Variants in PCDHGA1 observed in about 807,000 individuals in gnomAD.
PCDHGA1 encodes protocadherin gamma subfamily A, 1.
In PCDHGA1, 32 loss-of-function variants were observed where a neutral mutation model predicts 58.0. The observed-to-expected ratio is 0.55, with a 90% CI of 0.42 to 0.74. The LOEUF (loss-of-function observed/expected upper bound fraction) is 0.74. Among genes scored for constraint, PCDHGA1 ranks in the 30% least tolerant of loss-of-function variants. PCDHGA1 has a pLI of 0.00. For missense variants in PCDHGA1, 1,205 were observed against 1,182.3 expected (o/e 1.02, Z -0.28); for synonymous variants, 498 against 501.1 (o/e 0.99, Z 0.08).
chr5:141,344,248 C>A (rs1355715841), intron 1 of PCDHGA1: 4 of 1,614,022 alleles, frequency 2.5e-6, no homozygotes, highest in Non-Finnish European at 3.4e-6. Context: ...AGAGGTAGGA[C>A]GCAGCTTTTC....
intron 1 of PCDHGA1, chr5:141,423,134 G>A: frequency 6.2e-7 from 1 of 1,613,680 alleles, no homozygotes; most frequent in South Asian, 1.1e-5. Flanking sequence ...CTGCTGGACA[G>A]AGACGCGCTC....
intron 1 of PCDHGA1, chr5:141,366,537 C>A (rs1163032115): frequency 6.2e-7 from 1 of 1,614,132 alleles, no homozygotes; most frequent in African/African-American, 1.3e-5. Context: ...GCGGGTGTGC[C>A]CGCCTCGCAC....
intron 1 of PCDHGA1, chr5:141,394,196 C>G (rs760903381): frequency 2.7e-5 from 44 of 1,613,792 alleles, no homozygotes; most frequent in African/African-American, 4.0e-5. Flanking sequence ...CAGCGTATAT[C>G]CTAGAGAACA....
intron 1 of PCDHGA1, among the ~76,000 whole-genome samples, chr5:141,438,223 CA>C: frequency 6.6e-6 from 1 of 151,912 alleles, no homozygotes; most frequent in Non-Finnish European, 1.5e-5. Context: ...GGCTCTGGTT[CA>C]GGAAAATGTT....
At chr5:141,474,447 G>A (rs1263877262) in intron 1 of PCDHGA1, among the ~76,000 whole-genome samples, 1 of 152,218 alleles carries the variant, frequency 6.6e-6, no homozygotes, top group Non-Finnish European at 1.5e-5. Flanking sequence ...AGTAGCAAGT[G>A]ATTGGGCTAT....
At chr5:141,360,241 T>G (rs371403228) in intron 1 of PCDHGA1, 1 of 1,613,930 alleles carries the variant, frequency 6.2e-7, no homozygotes, top group Non-Finnish European at 8.5e-7. Flanking sequence ...GATCCGCTAT[T>G]CAATTCCAGA....
intron 2 of PCDHGA1, among the ~76,000 whole-genome samples, chr5:141,498,091 C>G (rs2099781521): frequency 6.6e-6 from 1 of 152,156 alleles, no homozygotes; most frequent in African/African-American, 2.4e-5. Context: ...AGAATTGTAT[C>G]TGGTGGTGTG....
In PCDHGA1 at chr5:141,477,088, C is replaced by G. The variant is rs1008530221; in HGVS notation, c.2422-17719C>G. On this transcript the variant is annotated intron_variant, in intron 1 of 3. Transcript: ENST00000517417. This position sits in a 1 kb window ranked among gnomAD's most constrained non-coding sequence, Gnocchi z 4.9. ...AACTCCATGAGATTTACATCCAGGC[C>G]AAAGACAAGGGCGCCAATCCCGAAG... The G allele has an allele frequency of 1.2e-6, 2 of 1,614,112 alleles. No individual in the cohort carries two copies. The highest frequency in any genetic ancestry group is 1.6e-4 in the Middle Eastern group (1 of 6,084).
chr5:141,422,342 TG>T, intron 1 of PCDHGA1: 1 of 1,551,514 alleles, frequency 6.4e-7, no homozygotes. Context: ...CTTCTAAATG[TG>T]CAAGATCAAG....
chr5:141,419,809 A>G (rs1181621732), intron 1 of PCDHGA1: 2 of 1,613,916 alleles, frequency 1.2e-6, no homozygotes, highest in African/African-American at 2.7e-5. Flanking sequence ...GAGATGGAGG[A>G]CAGCCACCCC....
At chr5:141,398,529 G>A (rs375949491) in intron 1 of PCDHGA1, 2 of 1,613,544 alleles carry the variant, frequency 1.2e-6, no homozygotes, top group South Asian at 1.1e-5. Flanking sequence ...CAAAATTCAC[G>A]CAAAATTCCT....
intron 1 of PCDHGA1, chr5:141,422,759 A>G (rs2096670710): frequency 6.2e-7 from 1 of 1,613,252 alleles, no homozygotes; most frequent in Non-Finnish European, 8.5e-7. Flanking sequence ...ATTAACTCCA[A>G]CACTGGTGTT....
chr5:141,357,462 C>T (rs760328261), intron 1 of PCDHGA1: 7 of 1,614,072 alleles, frequency 4.3e-6, no homozygotes, highest in Middle Eastern at 1.7e-4. Flanking sequence ...AGACCTATTC[C>T]CACGAGGTCT....
At chr5:141,419,204 GC>G (rs2096344015) in intron 1 of PCDHGA1, 9 of 1,613,916 alleles carry the variant, frequency 5.6e-6, no homozygotes, top group Non-Finnish European at 7.6e-6. Context: ...CAATGACAAC[GC>G]GCCGGTTTTC....
chr5:141,400,793 C>T, intron 1 of PCDHGA1: 2 of 561,880 alleles, frequency 3.6e-6, no homozygotes, highest in Admixed American at 3.5e-5. Context: ...TGTCCTCTTT[C>T]TCAAAGCTAA....
At chr5:141,340,114 C>T in intron 1 of PCDHGA1, 1 of 1,614,082 alleles carries the variant, frequency 6.2e-7, no homozygotes, top group Non-Finnish European at 8.5e-7. Context: ...AGAACGCATT[C>T]ACCACCTGTT....
intron 1 of PCDHGA1, chr5:141,404,247 T>C: frequency 6.2e-7 from 1 of 1,613,870 alleles, no homozygotes; most frequent in Non-Finnish European, 8.5e-7. Flanking sequence ...ACTCCGCCCC[T>C]GTCCACAGAA....
intron 1 of PCDHGA1, chr5:141,375,931 T>G (rs746995876): frequency 2.5e-6 from 4 of 1,613,540 alleles, no homozygotes; most frequent in Non-Finnish European, 3.4e-6. Context: ...AGCCAGGACT[T>G]TTCTCAGTGG....
Position 141,476,477 on chromosome 5 carries a change from G to C in PCDHGA1, c.2422-18330G>C. ...GGAGAACCCGCTGGAGCTGTTCAGCGTGGAAGTGGTGATCCAGGACATCAA... is the reference window on the plus strand; with the variant it reads ...GGAGAACCCGCTGGAGCTGTTCAGCCTGGAAGTGGTGATCCAGGACATCAA... On this transcript the variant is annotated intron_variant, in intron 1 of 3. Coordinates refer to ENST00000517417, the MANE Select transcript of PCDHGA1 (RefSeq NM_018912.3). The surrounding 1 kb of genome is among the most constrained non-coding windows in gnomAD (Gnocchi z 7.6). The C allele has an allele frequency of 5.0e-6, 8 of 1,614,078 alleles. No homozygotes were observed. Among genetic ancestry groups the C allele is most frequent in the Non-Finnish European group, 6.8e-6 (8 of 1,180,018 alleles).
Sources: gnomAD v4.1 joint callset for allele counts (sites outside exome capture counted in the v4.1 genomes callset) on GRCh38, gnomAD v4.1.1 for gene constraint, Gnocchi (gnomAD v3.1) non-coding constraint, MANE v1.5 for transcripts, NCBI Gene and HGNC (gene_info 2026-07-23, HGNC 2026-07-21) for gene names.